NCR2: variants seen among roughly 807,000 people sequenced by gnomAD.
NCR2 encodes NK cell activating receptor (NKp44).
NCR2 carries 35 observed loss-of-function variants against 30.7 expected under a neutral mutation model. The ratio of observed to expected loss-of-function variants is 1.14; its 90% CI spans 0.87 to 1.51. The LOEUF (loss-of-function observed/expected upper bound fraction) is 1.51. Among genes scored for constraint, NCR2 ranks in the 40% most tolerant of loss-of-function variants. NCR2 has a pLI of 0.00. For synonymous variants in NCR2, 146 were observed against 134.8 expected (o/e 1.08, Z -0.58); for missense variants, 316 against 328.9 (o/e 0.96, Z 0.30).
intron 2 of NCR2, among the ~76,000 whole-genome samples, chr6:41,337,505 G>A (rs776655702): frequency 1.6e-4 from 24 of 152,092 alleles, no homozygotes; most frequent in African/African-American, 2.9e-4. Context: ...CTGTCTTTCC[G>A]TTTTTAAGGA....
intron 4 of NCR2, among the ~76,000 whole-genome samples, chr6:41,350,407 T>C (rs1368235888): frequency 2.0e-5 from 3 of 151,698 alleles, no homozygotes; most frequent in Non-Finnish European, 4.4e-5. Flanking sequence ...ACCTGGAGAC[T>C]TGAAGGAAAC....
At position 41,336,329 on chromosome 6, in the gene NCR2, C is replaced by T; in HGVS notation, c.295C>T (p.Leu99=). 1 of 1,614,088 alleles carries T rather than the reference C, an allele frequency of 6.2e-7. No individual in the cohort carries two copies. The highest frequency in any genetic ancestry group is 8.5e-7 in the Non-Finnish European group (1 of 1,180,036). The change falls in exon 2 of 5, where the codon CTG becomes TTG. Residue 99 remains leucine, a synonymous_variant. Transcript: ENST00000373089. ...CTTCTTCACTGTCACCATGACTGAT[C>T]TGAGAGAGGAAGACTCAGGACATTA... is the stretch of plus-strand genomic sequence containing the variant. ...AGFFTVTMTD[L]REEDSGHYWC... is the part of the protein sequence containing the mutation.
chr6:41,349,167 T>A (rs1769374484), intron 4 of NCR2, among the ~76,000 whole-genome samples: 1 of 147,654 alleles, frequency 6.8e-6, no homozygotes, highest in South Asian at 2.1e-4. Context: ...TTTAAATAAA[T>A]TATAATTTTA....
chr6:41,336,294 C>G lies in NCR2; in HGVS notation c.260C>G (p.Pro87Arg), dbSNP rs1769026338. 1 of 1,614,052 alleles carries G rather than the reference C, an allele frequency of 6.2e-7. No homozygotes were observed. The highest frequency in any genetic ancestry group is 1.1e-5 in the South Asian group (1 of 91,088). The change falls in exon 2 of 5, where the codon CCT becomes CGT. Residue 87 changes from proline to arginine, a missense_variant. Pro to Arg is a moderately radical substitution (Grantham distance 103). Coordinates refer to ENST00000373089, the MANE Select transcript of NCR2 (RefSeq NM_004828.4). ...TCTCGATTCACAATCTGGGACGACCCTGATGCTGGCTTCTTCACTGTCACC... is the reference window on the plus strand; with the variant it reads ...TCTCGATTCACAATCTGGGACGACCGTGATGCTGGCTTCTTCACTGTCACC... ...WTSRFTIWDDPDAGFFTVTMT... is the reference protein window; with the variant it reads ...WTSRFTIWDDRDAGFFTVTMT...
chr6:41,345,794 C>T (rs1026695757), intron 4 of NCR2, among the ~76,000 whole-genome samples: 10 of 152,210 alleles, frequency 6.6e-5, no homozygotes, highest in East Asian at 1.9e-4. Flanking sequence ...AACCTTTCCA[C>T]CCTGCACCTG....
Position 41,342,061 on chromosome 6 carries a change from G to C in NCR2, c.556G>C (p.Gly186Arg), listed in dbSNP as rs759712678. 1.2e-6 allele frequency: 2 copies of C among 1,613,886 alleles called. No homozygotes were observed. Among genetic ancestry groups the C allele is most frequent in the Non-Finnish European group, 1.7e-6 (2 of 1,180,016 alleles). Reference protein sequence around the residue: ...SQPQNSTLRPGPAAPIALVPV... With the variant: ...SQPQNSTLRPRPAAPIALVPV... ...GCCACAGAACTCCACGCTCCGCCCT[G>C]GCCCTGCAGCCCCCATTGCCCTGGT... The change falls in exon 4 of 5, where the codon GGC becomes CGC. Residue 186 changes from glycine (G) to arginine (R), a missense_variant. Transcript: ENST00000373089.
chr6:41,343,187 A>C (rs182725008), intron 4 of NCR2, among the ~76,000 whole-genome samples: 15 of 152,354 alleles, frequency 9.8e-5, no homozygotes, highest in Non-Finnish European at 2.1e-4. Flanking sequence ...GCTCACCCTC[A>C]GTTTGCACTG....
intron 2 of NCR2, among the ~76,000 whole-genome samples, chr6:41,340,414 G>A (rs148959989): frequency 0.012 from 1,880 of 151,914 alleles, 26 homozygotes; most frequent in African/African-American, 0.043. Flanking sequence ...CACCTGCCTC[G>A]GCCTCCAAAA....
chr6:41,341,838 T>C lies in NCR2; in HGVS notation c.439T>C (p.Ser147Pro). 1 of 1,613,328 alleles carries C rather than the reference T, an allele frequency of 6.2e-7. No individual in the cohort carries two copies. Among genetic ancestry groups the C allele is most frequent in the African/African-American group, 1.3e-5 (1 of 75,014 alleles). Residue 147 changes from serine (S) to proline (P), a missense_variant, in exon 3 of 5, where the codon TCT becomes CCT. Coordinates refer to ENST00000373089, the MANE Select transcript of NCR2 (RefSeq NM_004828.4). The part of the protein sequence containing the change: ...QTSWTPRDLV[S>P]SQTQTQSCVP... ...CTCCTGGACTCCCCGCGACCTGGTC[T>C]CTTCACAGACCCAGACCCAGAGCTG...
At position 41,336,316 on chromosome 6, in the gene NCR2, C is replaced by T. The variant is rs1156935746; in HGVS notation, c.282C>T (p.Val94=). 1.2e-6 allele frequency: 2 copies of T among 1,614,126 alleles called. No homozygotes were observed. The highest frequency in any genetic ancestry group is 1.1e-5 in the South Asian group (1 of 91,092). Residue 94 remains valine, a synonymous_variant, in exon 2 of 5, where the codon GTC becomes GTT. Coordinates refer to ENST00000373089, the MANE Select transcript of NCR2 (RefSeq NM_004828.4). ...ACCCTGATGCTGGCTTCTTCACTGT[C>T]ACCATGACTGATCTGAGAGAGGAAG... The part of the protein sequence containing the change: ...WDDPDAGFFT[V]TMTDLREEDS...
chr6:41,348,057 A>T (rs969645591), intron 4 of NCR2, among the ~76,000 whole-genome samples: 1 of 152,194 alleles, frequency 6.6e-6, no homozygotes, highest in African/African-American at 2.4e-5. Flanking sequence ...TATTCTACTC[A>T]TCGGAAGCCA....
chr6:41,340,943 A>T (rs1414532946), intron 2 of NCR2, among the ~76,000 whole-genome samples: 1 of 151,786 alleles, frequency 6.6e-6, no homozygotes, highest in Non-Finnish European at 1.5e-5. Flanking sequence ...ACGAGGAATG[A>T]CTCAGCCTCA....
intron 2 of NCR2, among the ~76,000 whole-genome samples, chr6:41,339,028 G>A (rs1352697447): frequency 6.6e-6 from 1 of 152,168 alleles, no homozygotes; most frequent in Admixed American, 6.5e-5. Context: ...TTGTGAACTT[G>A]TGTTTTTCCG....
At chr6:41,341,366 G>C (rs922817756) in intron 2 of NCR2, among the ~76,000 whole-genome samples, 1 of 152,142 alleles carries the variant, frequency 6.6e-6, no homozygotes, top group East Asian at 1.9e-4. Flanking sequence ...AGAACTGGGA[G>C]GGGCAGGGAT....
chr6:41,342,832 T>A, intron 4 of NCR2: 1 of 1,204,514 alleles, frequency 8.3e-7, no homozygotes, highest in Non-Finnish European at 1.2e-6. Context: ...GGAGCCGGCT[T>A]GCTGGAGGAG....
intron 4 of NCR2, chr6:41,342,899 T>C: frequency 1.3e-6 from 2 of 1,545,942 alleles, no homozygotes; most frequent in Admixed American, 2.0e-5. Context: ...ACTTCATGTA[T>C]TTCTCCCCTC....
chr6:41,336,517 AC>A, intron 2 of NCR2, 89 bp downstream of exon 2: 5 of 1,069,528 alleles, frequency 4.7e-6, no homozygotes, highest in African/African-American at 1.6e-5. Flanking sequence ...CGTGGAAGCC[AC>A]CCATGCCCAC....
At chr6:41,337,442 G>C (rs1483817957) in intron 2 of NCR2, among the ~76,000 whole-genome samples, 2 of 152,130 alleles carry the variant, frequency 1.3e-5, no homozygotes, top group African/African-American at 4.8e-5. Context: ...AGCTAGAAGG[G>C]AAATTGCAGT....
intron 2 of NCR2, among the ~76,000 whole-genome samples, chr6:41,340,237 C>T (rs1339527788): frequency 6.6e-6 from 1 of 151,952 alleles, no homozygotes; most frequent in Non-Finnish European, 1.5e-5. Flanking sequence ...TCTCGGCTCA[C>T]TGCAACCTCC....
Sources: allele counts gnomAD v4.1 joint callset (sites outside exome capture counted in the v4.1 genomes callset), GRCh38; gene constraint gnomAD v4.1.1; transcripts MANE v1.5; gene names NCBI Gene and HGNC (gene_info 2026-07-23, HGNC 2026-07-21).